The following ADH1B variants were observed in gnomAD, a reference collection of about 807,000 sequenced individuals.
ADH1B encodes the protein all-trans-retinol dehydrogenase [NAD(+)] ADH1B.
In ADH1B, 29 loss-of-function variants were observed where a neutral mutation model predicts 34.6. The observed-to-expected ratio is 0.84, with a 90% CI of 0.62 to 1.14. The LOEUF is 1.14. Among genes scored for constraint, ADH1B ranks in the 50% most tolerant of loss-of-function variants. ADH1B has a pLI of 0.00. For missense variants in ADH1B, 424 were observed against 468.4 expected, an observed-to-expected ratio of 0.91 and a Z score of 0.87; for synonymous variants, 170 against 175.5, an observed-to-expected ratio of 0.97 and a Z score of 0.25.
chr4:99,311,473 G>C, intron 7 of ADH1B, 48 bp downstream of exon 7: 3 of 1,593,686 alleles, frequency 1.9e-6, no homozygotes, highest in Non-Finnish European at 2.6e-6. Flanking sequence ...AGATTAATGA[G>C]ATATATTGAG....
chr4:99,311,314 G>T (rs1733748406), intron 7 of ADH1B, among the ~76,000 whole-genome samples: 1 of 152,148 alleles, frequency 6.6e-6, no homozygotes, highest in Admixed American at 6.5e-5. Context: ...ACAGAAAAAA[G>T]TCTATATTGG....
intron 5 of ADH1B, 149 bp downstream of exon 5, chr4:99,315,749 T>C: frequency 1.1e-6 from 1 of 871,806 alleles, no homozygotes; most frequent in Non-Finnish European, 1.8e-6. Flanking sequence ...TTCTAGCATG[T>C]GTACTCAATT....
chr4:99,314,240 A>C, intron 5 of ADH1B, 159 bp from the exon 6 acceptor site: 5 of 1,218,948 alleles, frequency 4.1e-6, no homozygotes, highest in Non-Finnish European at 5.6e-6. Flanking sequence ...CTTTATTTTT[A>C]AATTCAAGGG....
Position 99,316,321 on chromosome 4 carries a change from A to T in ADH1B, c.260-19T>A, listed in dbSNP as rs1733885832. On this transcript the variant is annotated intron_variant, in intron 3 of 8. Coordinates refer to ENST00000305046, the MANE Select transcript of ADH1B (RefSeq NM_000668.6). ...TTATCACCTGGAGAGGAATAAAACA[A>T]GTTCTTCTTAAATTTCTATGCAGTA... is the stretch of plus-strand genomic sequence containing the variant. The T allele has an allele frequency of 6.2e-7, 1 of 1,604,776 alleles. No homozygotes were observed. Among genetic ancestry groups the T allele is most frequent in the African/African-American group, 1.3e-5 (1 of 74,418 alleles).
In ADH1B at chr4:99,312,753, T is replaced by C. The variant is rs550019544; in HGVS notation, c.828+1068A>G. Among the ~76,000 whole-genome samples the C allele has an allele frequency of 2.0e-5, 3 of 152,236 alleles. No individual in the cohort carries two copies. The South Asian group carries it at 6.2e-4, about 32-fold the overall frequency. On this transcript the variant is annotated intron_variant, in intron 6 of 8. Coordinates refer to ENST00000305046, the MANE Select transcript of ADH1B (RefSeq NM_000668.6). ...CTATACTCTCAGCATTTTTGGAGGC[T>C]GAGGTAGGAGAATCACTTGAGCCCA...
intron 2 of ADH1B, chr4:99,318,409 A>C: frequency 1.7e-6 from 1 of 593,908 alleles, no homozygotes; most frequent in Non-Finnish European, 2.8e-6. Flanking sequence ...TAATCTGTGA[A>C]ATAATTGATT....
chr4:99,315,723 A>C (rs1733864088), intron 5 of ADH1B, 175 bp downstream of exon 5: 1 of 742,380 alleles, frequency 1.3e-6, no homozygotes, highest in Admixed American at 2.9e-5. Context: ...TTTTATCTGC[A>C]ATAAATTGGT....
In ADH1B at chr4:99,313,892, C is replaced by A. The variant is rs149386430; in HGVS notation, c.757G>T (p.Glu253Ter). 8.0e-5 allele frequency: 129 copies of A among 1,613,970 alleles called. No homozygotes were observed. Among genetic ancestry groups the A allele is most frequent in the Non-Finnish European group, 1.0e-4 (121 of 1,179,980 alleles). The change falls in exon 6 of 9, where the codon GAA becomes TAA. Residue 253 changes from glutamate to a stop codon, truncating the protein, a stop_gained. Transcript: ENST00000305046. LOFTEE classifies it high-confidence loss of function. ...CCATCAGTCATTTCCTTTAGCACTT[C>A]CTGAATGGGTTTCTTGTAGTCTTGA... Reference protein sequence around the residue: ...NPQDYKKPIQEVLKEMTDGGV... With the variant: ...NPQDYKKPIQ
rs563523201 is a variant in ADH1B, at chr4:99,311,709, C to T, written c.829-53G>A. ...TTAACGTGGAGTCGCATAGTTCCTA[C>T]TCATAATGCACAATATCATGTAATA... On this transcript the variant is annotated intron_variant, in intron 6 of 8. Coordinates refer to ENST00000305046, the MANE Select transcript of ADH1B (RefSeq NM_000668.6). 1.0e-3 allele frequency: 1,658 copies of T among 1,600,852 alleles called. 12 individuals are homozygous for T. Among genetic ancestry groups the T allele is most frequent in the South Asian group, 6.4e-3 (573 of 89,102 alleles).
intron 1 of ADH1B, 199 bp from the exon 2 acceptor site, chr4:99,319,085 A>C: frequency 4.2e-6 from 3 of 719,712 alleles, no homozygotes; most frequent in Non-Finnish European, 7.5e-6. Context: ...AGATAAACAA[A>C]GTATAATAAG....
intron 3 of ADH1B, 156 bp from the exon 4 acceptor site, chr4:99,316,458 A>G: frequency 1.2e-6 from 1 of 821,008 alleles, no homozygotes; most frequent in East Asian, 2.7e-5. Context: ...AATGCCTGCC[A>G]CAGCATTGTT....
Position 99,316,236 on chromosome 4 carries a change from C to T in ADH1B, c.326G>A (p.Ser109Asn), listed in dbSNP as rs560773951. 1.1e-5 allele frequency: 17 copies of T among 1,614,210 alleles called. No individual in the cohort carries two copies. In the Admixed American group the frequency reaches 2.3e-4, roughly 22 times the overall value. ...CTACTCATTTTTCAAGCAGTAGTTGCTCTCCGGGTTTTTACAAACTCTGCA... is the reference window on the plus strand; with the variant it reads ...CTACTCATTTTTCAAGCAGTAGTTGTTCTCCGGGTTTTTACAAACTCTGCA... ...GKCRVCKNPE[S>N]NYCLKNDLGN... is the part of the protein sequence containing the mutation. Residue 109 changes from serine (S) to asparagine (N), a missense_variant, in exon 4 of 9, where the codon AGC becomes AAC. Transcript: ENST00000305046.
At chr4:99,308,495 G>A (rs1356001371) in intron 8 of ADH1B, among the ~76,000 whole-genome samples, 2 of 151,500 alleles carry the variant, frequency 1.3e-5, no homozygotes, top group African/African-American at 2.4e-5. Flanking sequence ...CCTTTGATAC[G>A]GATGTTTAAG....
intron 2 of ADH1B, 88 bp downstream of exon 2, chr4:99,318,697 C>T (rs929624827): frequency 4.8e-6 from 6 of 1,240,400 alleles, no homozygotes; most frequent in South Asian, 2.9e-5. Context: ...TAAGATATGC[C>T]TCTTAGTGGA....
chr4:99,318,975 G>A (rs750468573), intron 1 of ADH1B, 89 bp from the exon 2 acceptor site: 19 of 1,371,784 alleles, frequency 1.4e-5, no homozygotes, highest in Non-Finnish European at 1.9e-5. Context: ...ATGTAATATT[G>A]CGTCCCATGT....
At chr4:99,315,788 C>G (rs551177508) in intron 5 of ADH1B, 110 bp downstream of exon 5, 2 of 1,375,578 alleles carry the variant, frequency 1.5e-6, no homozygotes, top group Non-Finnish European at 2.0e-6. Flanking sequence ...TACTCATAAT[C>G]GACACTTTAA....
At chr4:99,317,040 G>A (rs1733903965) in intron 3 of ADH1B, 3 of 152,034 alleles carry the variant, frequency 2.0e-5, no homozygotes, top group South Asian at 4.1e-4. Flanking sequence ...AAGTAAGGCT[G>A]TCATTTTGTT....
chr4:99,317,753 C>T, intron 3 of ADH1B: 4 of 364,226 alleles, frequency 1.1e-5, no homozygotes, highest in Non-Finnish European at 1.5e-5. Context: ...ATGAATGCCA[C>T]ACTGGTAGGC....
At chr4:99,321,182 T>C in intron 1 of ADH1B, 132 bp downstream of exon 1, 1 of 777,036 alleles carries the variant, frequency 1.3e-6, no homozygotes, top group Non-Finnish European at 2.1e-6. Context: ...TTGAGGTGTA[T>C]ATTGCATATC....
Sources: allele counts gnomAD v4.1 joint callset (sites outside exome capture counted in the v4.1 genomes callset), GRCh38; gene constraint gnomAD v4.1.1; transcripts MANE v1.5; gene names NCBI Gene and HGNC (gene_info 2026-07-23, HGNC 2026-07-21).